The following VSIR variants were observed in gnomAD, a reference collection of about 807,000 sequenced individuals.
VSIR encodes V-set immunoregulatory receptor.
In VSIR, 10 loss-of-function variants were observed where a neutral mutation model predicts 31.0. The ratio of observed to expected loss-of-function variants is 0.32; its 90% confidence interval spans 0.20 to 0.55. The LOEUF is 0.55. VSIR is among the 20% of genes least tolerant of loss of function. The pLI, the probability that VSIR is intolerant of heterozygous loss-of-function variation, is 0.93. For synonymous variants in VSIR, 179 were observed against 180.1 expected (o/e 0.99, Z 0.05); for missense variants, 356 against 416.2 (o/e 0.86, Z 1.26).
At chr10:71,765,282 G>A (rs143928278) in intron 1 of VSIR, among the ~76,000 whole-genome samples, 4 of 152,340 alleles carry the variant, frequency 2.6e-5, no homozygotes, top group South Asian at 2.1e-4. Flanking sequence ...CTTCAGCTAC[G>A]GTAGTATTTA....
At chr10:71,754,974 TCCCAACAA>T in intron 4 of VSIR, 1 of 419,898 alleles carries the variant, frequency 2.4e-6, no homozygotes, top group Non-Finnish European at 4.9e-6. Context: ...TCATTTTTTG[TCCCAACAA>T]TTGCTACTAA....
intron 1 of VSIR, among the ~76,000 whole-genome samples, chr10:71,763,063 G>C (rs1304451639): frequency 6.6e-6 from 1 of 152,158 alleles, no homozygotes; most frequent in Non-Finnish European, 1.5e-5. Flanking sequence ...TACAATGCAG[G>C]GTTGCAAAAG....
At chr10:71,759,535 C>T (rs994064519) in intron 3 of VSIR, among the ~76,000 whole-genome samples, 4 of 151,404 alleles carry the variant, frequency 2.6e-5, no homozygotes, top group Non-Finnish European at 5.9e-5. Context: ...TGAGGCCAGG[C>T]GTGGTGACTC....
rs758165395 is a variant in VSIR at position 71,761,830 on chromosome 10, C to T, written c.279G>A (p.Thr93=). Residue 93 remains threonine, a synonymous_variant, in exon 2 of 7, where the codon ACG becomes ACA. Transcript: ENST00000394957. The part of the protein sequence containing the change: ...CSERRPIRNL[T]FQDLHLHHGG... ...CATGGTGCAGGTGAAGGTCCTGGAA[C>T]GTGAGGTTGCGGATGGGCCGGCGCT... 6.2e-6 allele frequency: 10 copies of T among 1,614,148 alleles called. No homozygotes were observed. Among genetic ancestry groups the T allele is most frequent in the East Asian group, 2.2e-5 (1 of 44,884 alleles).
chr10:71,766,768 C>G (rs1336834542), intron 1 of VSIR, among the ~76,000 whole-genome samples: 1 of 152,142 alleles, frequency 6.6e-6, no homozygotes, highest in Admixed American at 6.5e-5. Context: ...CCACACAGTG[C>G]TGTGTGACTG....
chr10:71,773,088 C>T (rs1342344751), intron 1 of VSIR, among the ~76,000 whole-genome samples: 1 of 150,764 alleles, frequency 6.6e-6, no homozygotes, highest in Non-Finnish European at 1.5e-5. Context: ...CAGGGAAGGG[C>T]TGGACAGGCA....
At chr10:71,758,249 G>A (rs1840199092) in intron 3 of VSIR, among the ~76,000 whole-genome samples, 1 of 152,208 alleles carries the variant, frequency 6.6e-6, no homozygotes, top group African/African-American at 2.4e-5. Context: ...CCTTTGAGTT[G>A]GGTTTTGTTG....
intron 1 of VSIR, among the ~76,000 whole-genome samples, chr10:71,772,783 C>A (rs1840716776): frequency 6.6e-6 from 1 of 152,194 alleles, no homozygotes; most frequent in South Asian, 2.1e-4. Context: ...CCTGGGCCAT[C>A]AGACCCTTAG....
Position 71,755,614 on chromosome 10 carries a change from G to A in VSIR, c.569-148C>T, listed in dbSNP as rs1840121511. On this transcript the variant is annotated intron_variant, in intron 3 of 6. Transcript: ENST00000394957. Reference sequence around the variant, plus strand: ...GCTAGACCCCCAGCAACCTACAGAGGCATGGAAGATAAGGCGGTTCTCCTT... The same window carrying A: ...GCTAGACCCCCAGCAACCTACAGAGACATGGAAGATAAGGCGGTTCTCCTT... 4 of 731,604 alleles carry A rather than the reference G, an allele frequency of 5.5e-6. No homozygotes were observed. In the South Asian group the frequency reaches 6.6e-5, roughly 12 times the overall value. 45.3% of individuals were successfully genotyped at this position (731,604 alleles called of 1,614,324 possible).
intron 1 of VSIR, among the ~76,000 whole-genome samples, chr10:71,764,070 C>T (rs1408279935): frequency 1.3e-5 from 2 of 152,166 alleles, no homozygotes; most frequent in Non-Finnish European, 2.9e-5. Context: ...AGATACAGGT[C>T]TCCTTTTCAG....
chr10:71,771,332 T>C (rs539231142), intron 1 of VSIR, among the ~76,000 whole-genome samples: 1 of 152,294 alleles, frequency 6.6e-6, no homozygotes, highest in South Asian at 2.1e-4. Context: ...ACCATTCTCC[T>C]CAGTGCTGGC....
Position 71,749,269 on chromosome 10 carries a change from A to G in VSIR, c.*1984T>C, listed in dbSNP as rs1223409908. The G allele has an allele frequency of 3.3e-5, 5 of 152,282 alleles. No homozygotes were observed. The highest frequency in any genetic ancestry group is 2.0e-4 in the Admixed American group (3 of 15,288). The allele number at this position is 152,282 out of a possible 1,614,324, so 9.4% of individuals were successfully genotyped here. The stretch of plus-strand genomic sequence containing the variant: ...CCCCACTCCTGCCATGCAGGCCCCC[A>G]TGAATTGTGAAAAACATACCCTCTT... On this transcript the variant is annotated 3_prime_UTR_variant, in exon 7 of 7. Transcript: ENST00000394957.
intron 4 of VSIR, among the ~76,000 whole-genome samples, chr10:71,754,145 C>G (rs10999983): frequency 0.24 from 36,470 of 151,946 alleles, 5,018 homozygotes; most frequent in Middle Eastern, 0.35. Flanking sequence ...AACACCTGCT[C>G]CCCCTGCCCT....
chr10:71,755,567 C>T (rs750872179), intron 3 of VSIR, 101 bp from the exon 4 acceptor site: 209 of 1,096,914 alleles, frequency 1.9e-4, no homozygotes, highest in Non-Finnish European at 2.6e-4. Flanking sequence ...GCAGGAGACC[C>T]GCCTTTCCCC....
intron 1 of VSIR, among the ~76,000 whole-genome samples, chr10:71,767,682 G>C (rs774737590): frequency 9.9e-5 from 15 of 152,246 alleles, no homozygotes; most frequent in Admixed American, 2.0e-4. Flanking sequence ...AGCGTCACAA[G>C]GCATAGGCTC....
chr10:71,765,026 G>A (rs545947114), intron 1 of VSIR, among the ~76,000 whole-genome samples: 74 of 152,360 alleles, frequency 4.9e-4, no homozygotes, highest in African/African-American at 1.6e-3. Context: ...TGGGGTGGGT[G>A]TAGCTGCAAA....
rs1839931925 is a variant in VSIR, at chr10:71,749,269, ATGAATTG to A, written c.*1977_*1983del. ...CCCCACTCCTGCCATGCAGGCCCCC[ATGAATTG>A]TGAAAAACATACCCTCTTTCCTTCT... On this transcript the variant is annotated 3_prime_UTR_variant, in exon 7 of 7. Coordinates refer to ENST00000394957, the MANE Select transcript of VSIR (RefSeq NM_022153.2). The A allele has an allele frequency of 6.6e-6, 1 of 152,282 alleles. No homozygotes were observed. The highest frequency in any genetic ancestry group is 2.4e-5 in the African/African-American group (1 of 41,460). The allele number at this position is 152,282 out of a possible 1,614,324, so 9.4% of individuals were successfully genotyped here.
Position 71,773,503 on chromosome 10 carries a change from G to A in VSIR, c.-64C>T, listed in dbSNP as rs1354210147. The A allele has an allele frequency of 9.4e-6, 14 of 1,497,110 alleles. No homozygotes were observed. Among genetic ancestry groups the A allele is most frequent in the Non-Finnish European group, 1.1e-5 (12 of 1,100,620 alleles). The allele number at this position is 1,497,110 out of a possible 1,614,324, so 92.7% of individuals were successfully genotyped here. ...GAGCGGGCGGGACGCGGCCGGCGCGGGGAAGCCTCCCGCGACTGAGTGCGA... is the reference window on the plus strand; with the variant it reads ...GAGCGGGCGGGACGCGGCCGGCGCGAGGAAGCCTCCCGCGACTGAGTGCGA... On this transcript the variant is annotated 5_prime_UTR_variant, in exon 1 of 7. Coordinates refer to ENST00000394957, the MANE Select transcript of VSIR (RefSeq NM_022153.2).
chr10:71,770,293 A>G (rs1380455212), intron 1 of VSIR, among the ~76,000 whole-genome samples: 1 of 152,232 alleles, frequency 6.6e-6, no homozygotes, highest in Non-Finnish European at 1.5e-5. Flanking sequence ...GGGAGGTGGT[A>G]TCATCTTCCC....
Sources: allele counts gnomAD v4.1 joint callset (sites outside exome capture counted in the v4.1 genomes callset), GRCh38; gene constraint gnomAD v4.1.1; transcripts MANE v1.5; gene names NCBI Gene and HGNC (gene_info 2026-07-23, HGNC 2026-07-21).